Variants in ADIPOR2 observed in about 807,000 individuals in gnomAD.
The protein encoded by ADIPOR2 is adiponectin receptor protein 2.
ADIPOR2 carries 18 observed loss-of-function variants against 40.9 expected under a neutral mutation model. The observed-to-expected ratio is 0.44, with a 90% CI of 0.30 to 0.65. ADIPOR2 has a LOEUF of 0.65. Ranked by LOEUF, ADIPOR2 falls within the 30% of genes least tolerant of loss-of-function variation. The pLI, the probability that ADIPOR2 is intolerant of heterozygous loss-of-function variation, is 0.09. For synonymous variants in ADIPOR2, 165 were observed against 166.4 expected, an observed-to-expected ratio of 0.99 and a Z score of 0.06; for missense variants, 283 against 479.2, an observed-to-expected ratio of 0.59 and a Z score of 3.82.
At chr12:1,750,567 C>G (rs893972956) in intron 1 of ADIPOR2, among the ~76,000 whole-genome samples, 2 of 152,070 alleles carry the variant, frequency 1.3e-5, no homozygotes, top group African/African-American at 4.8e-5. Context: ...GACCCTGTGT[C>G]TCTAGAAAGA....
At chr12:1,767,269 CAAAAAA>C (rs61401998) in intron 2 of ADIPOR2, among the ~76,000 whole-genome samples, 11 of 87,468 alleles carry the variant, frequency 1.3e-4, no homozygotes, top group Admixed American at 4.0e-4. Flanking sequence ...AAGACTTCGT[CAAAAAA>C]AAAAAAAAAA....
intron 2 of ADIPOR2, among the ~76,000 whole-genome samples, chr12:1,762,742 T>C (rs1862296206): frequency 6.6e-6 from 1 of 152,220 alleles, no homozygotes; most frequent in Non-Finnish European, 1.5e-5. Context: ...CCTTTTAGAA[T>C]AGATATTATT....
At chr12:1,733,282 G>T (rs1480596861) in intron 1 of ADIPOR2, among the ~76,000 whole-genome samples, 5 of 152,068 alleles carry the variant, frequency 3.3e-5, no homozygotes, top group Admixed American at 3.3e-4. Flanking sequence ...TAGCTAACAC[G>T]GGCTTGACTT....
chr12:1,701,125 A>AT (rs1263527268), intron 1 of ADIPOR2, among the ~76,000 whole-genome samples: 1 of 124,038 alleles, frequency 8.1e-6, no homozygotes, highest in East Asian at 2.3e-4. Context: ...TATGGTGTTG[A>AT]TCTTTTTTTT....
intron 1 of ADIPOR2, among the ~76,000 whole-genome samples, chr12:1,748,414 A>G (rs913351130): frequency 2.0e-5 from 3 of 151,852 alleles, no homozygotes; most frequent in African/African-American, 4.8e-5. Context: ...ACGCCTGGCT[A>G]ATTTTTTATA....
Position 1,788,577 on chromosome 12 carries a change from G to T in ADIPOR2, c.*2505G>T, listed in dbSNP as rs1352269282. ...AGCACATTTTTGGGGATCATAGAAG[G>T]TTGGGGTTCCAGAAAGGCATCTGTG... On this transcript the variant is annotated 3_prime_UTR_variant, in exon 8 of 8. Coordinates refer to ENST00000357103, the MANE Select transcript of ADIPOR2 (RefSeq NM_024551.3). The T allele has an allele frequency of 1.3e-5, 2 of 152,592 alleles. No individual in the cohort carries two copies. The highest frequency in any genetic ancestry group is 2.9e-5 in the Non-Finnish European group (2 of 68,046). The allele number at this position is 152,592 out of a possible 1,614,324, so 9.5% of individuals were successfully genotyped here. A position where few individuals can be genotyped will look rare whatever the true frequency, so the allele number is the denominator to read the frequency against.
At chr12:1,754,153 T>C (rs1027508360) in intron 1 of ADIPOR2, 105 bp from the exon 2 acceptor site, 5 of 449,380 alleles carry the variant, frequency 1.1e-5, no homozygotes, top group Admixed American at 4.3e-5. Context: ...ATTATTCTTT[T>C]ATTATTGATT....
intron 1 of ADIPOR2, among the ~76,000 whole-genome samples, chr12:1,712,055 CT>C (rs2094678419): frequency 6.6e-6 from 1 of 152,140 alleles, no homozygotes; most frequent in East Asian, 1.9e-4. Flanking sequence ...AGGAGGCTTA[CT>C]TTCAAGTACT....
intron 2 of ADIPOR2, among the ~76,000 whole-genome samples, chr12:1,767,513 C>T (rs1202587819): frequency 6.6e-6 from 1 of 151,922 alleles, no homozygotes; most frequent in Non-Finnish European, 1.5e-5. Context: ...ACCTTTGTTT[C>T]CACAAACCTC....
intron 1 of ADIPOR2, chr12:1,698,051 T>G (rs1440438741): frequency 6.6e-6 from 1 of 152,242 alleles, no homozygotes; most frequent in African/African-American, 2.4e-5. Context: ...ACATGTTGGC[T>G]GTAGACTGGA....
intron 1 of ADIPOR2, among the ~76,000 whole-genome samples, chr12:1,748,665 T>A (rs1267785777): frequency 6.6e-6 from 1 of 152,096 alleles, no homozygotes; most frequent in Non-Finnish European, 1.5e-5. Flanking sequence ...TTCAATTATT[T>A]CAGCACCATT....
chr12:1,749,645 G>A (rs577817413), intron 1 of ADIPOR2, among the ~76,000 whole-genome samples: 5 of 152,032 alleles, frequency 3.3e-5, no homozygotes, highest in South Asian at 2.1e-4. Context: ...GGTCTTTTTC[G>A]ATTGTTTTAG....
chr12:1,776,575 C>T (rs551483887), intron 3 of ADIPOR2, among the ~76,000 whole-genome samples: 30 of 152,200 alleles, frequency 2.0e-4, no homozygotes, highest in South Asian at 4.2e-4. Flanking sequence ...TGTGAGCTCT[C>T]GGGGCTATGA....
At chr12:1,746,399 A>T (rs1308160447) in intron 1 of ADIPOR2, among the ~76,000 whole-genome samples, 2 of 152,136 alleles carry the variant, frequency 1.3e-5, no homozygotes, top group African/African-American at 4.8e-5. Flanking sequence ...GAGGCAGAAG[A>T]ATTGCTTGAA....
At chr12:1,713,240 C>T (rs2094681165) in intron 1 of ADIPOR2, among the ~76,000 whole-genome samples, 1 of 152,084 alleles carries the variant, frequency 6.6e-6, no homozygotes. Flanking sequence ...AACGATTCTG[C>T]TTCCTTTGGT....
chr12:1,754,272 C>A lies in ADIPOR2; in HGVS notation c.-72C>A. 1 of 1,408,068 alleles carries A rather than the reference C, an allele frequency of 7.1e-7. No homozygotes were observed. The allele number at this position is 1,408,068 out of a possible 1,614,324, so 87.2% of individuals were successfully genotyped here. A position where few individuals can be genotyped will look rare whatever the true frequency, so the allele number is the denominator to read the frequency against. On this transcript the variant is annotated 5_prime_UTR_variant, in exon 2 of 8. Coordinates refer to ENST00000357103, the MANE Select transcript of ADIPOR2 (RefSeq NM_024551.3). ...CATCTTCTTAGGATCAACTCACTAT[C>A]CTGAAGGTCCATTCTCCCAAGAAGA...
intron 1 of ADIPOR2, among the ~76,000 whole-genome samples, chr12:1,751,301 A>G (rs975964924): frequency 6.6e-6 from 1 of 152,046 alleles, no homozygotes; most frequent in Non-Finnish European, 1.5e-5. Flanking sequence ...TATTTTCTTC[A>G]TTCTTATTTT....
At chr12:1,750,874 TC>T (rs956917501) in intron 1 of ADIPOR2, among the ~76,000 whole-genome samples, 1 of 152,182 alleles carries the variant, frequency 6.6e-6, no homozygotes, top group African/African-American at 2.4e-5. Flanking sequence ...AGTCATATAA[TC>T]TGCAAATAGT....
chr12:1,746,505 CA>C (rs879935639), intron 1 of ADIPOR2, among the ~76,000 whole-genome samples: 43 of 151,006 alleles, frequency 2.8e-4, no homozygotes, highest in Non-Finnish European at 4.9e-4. Flanking sequence ...AAACAAAAAA[CA>C]AAAAAAACCC....
Sources: gnomAD v4.1 joint callset for allele counts (sites outside exome capture counted in the v4.1 genomes callset) on GRCh38, gnomAD v4.1.1 for gene constraint, MANE v1.5 for transcripts, NCBI Gene and HGNC (gene_info 2026-07-23, HGNC 2026-07-21) for gene names.